WDFY2: variants seen among roughly 807,000 people sequenced by gnomAD.
The protein encoded by WDFY2 is WD repeat and FYVE domain-containing protein 2.
WDFY2 carries 36 observed loss-of-function variants against 56.4 expected under a neutral mutation model. The ratio of observed to expected loss-of-function variants is 0.64; its 90% CI spans 0.49 to 0.84. The LOEUF (loss-of-function observed/expected upper bound fraction) is 0.84, where lower values mean the gene tolerates loss of function less well. WDFY2 is among the 40% of genes least tolerant of loss of function. The probability of loss-of-function intolerance (pLI) is 0.00; values close to 1 mark genes in which losing one functional copy is unlikely to be tolerated. For synonymous variants in WDFY2, 176 were observed against 183.7 expected, an observed-to-expected ratio of 0.96 and a Z score of 0.34; for missense variants, 444 against 512.2, an observed-to-expected ratio of 0.87 and a Z score of 1.29.
intron 1 of WDFY2, among the ~76,000 whole-genome samples, chr13:51,658,558 G>C (rs1382666812): frequency 6.6e-6 from 1 of 152,212 alleles, no homozygotes; most frequent in Non-Finnish European, 1.5e-5. Flanking sequence ...TGATTTAGTG[G>C]AGGGACTGAT....
At chr13:51,620,878 C>T (rs956454804) in intron 1 of WDFY2, among the ~76,000 whole-genome samples, 4 of 152,148 alleles carry the variant, frequency 2.6e-5, no homozygotes, top group African/African-American at 9.7e-5. Context: ...TCATCTCATC[C>T]ACTTCCTCTC....
intron 2 of WDFY2, among the ~76,000 whole-genome samples, chr13:51,669,256 T>C (rs549600281): frequency 6.6e-6 from 1 of 152,330 alleles, no homozygotes; most frequent in South Asian, 2.1e-4. Flanking sequence ...AATTTTAAGC[T>C]GAATGTTTGT....
intron 8 of WDFY2, among the ~76,000 whole-genome samples, chr13:51,753,278 C>T (rs1953278855): frequency 6.6e-6 from 1 of 152,132 alleles, no homozygotes; most frequent in African/African-American, 2.4e-5. Context: ...GAGAAGCAGT[C>T]AGAGATGAGA....
chr13:51,696,458 T>C (rs1951878486), intron 3 of WDFY2, among the ~76,000 whole-genome samples: 1 of 152,224 alleles, frequency 6.6e-6, no homozygotes, highest in Non-Finnish European at 1.5e-5. Context: ...ATAAGTTGTA[T>C]CTACTATAAT....
chr13:51,729,003 T>C (rs9563069), intron 6 of WDFY2, among the ~76,000 whole-genome samples: 45,536 of 152,026 alleles, frequency 0.3, 7,939 homozygotes, highest in African/African-American at 0.44. Context: ...TGGCGCATTC[T>C]AGCCCGCGGT....
chr13:51,585,873 G>C (rs768935884), intron 1 of WDFY2, among the ~76,000 whole-genome samples: 7 of 152,258 alleles, frequency 4.6e-5, no homozygotes, highest in Non-Finnish European at 7.4e-5. Context: ...AGTCATTTCC[G>C]CACTTAGCAT....
At chr13:51,715,177 C>T (rs1952315724) in intron 4 of WDFY2, among the ~76,000 whole-genome samples, 1 of 152,246 alleles carries the variant, frequency 6.6e-6, no homozygotes, top group East Asian at 1.9e-4. Context: ...AAACACTGTA[C>T]ACTTAGGCTA....
In WDFY2 at chr13:51,727,778, A is replaced by G; in HGVS notation, c.586A>G (p.Arg196Gly). 6.2e-7 allele frequency: 1 copy of G among 1,614,180 alleles called. No homozygotes were observed. Among genetic ancestry groups the G allele is most frequent in the Non-Finnish European group, 8.5e-7 (1 of 1,180,014 alleles). The change falls in exon 6 of 12, where the codon AGA (arginine) becomes GGA (glycine). Residue 196 changes from arginine (R) to glycine (G), a missense_variant. By Grantham distance (125) the Arg-to-Gly change is moderately radical (BLOSUM62 -2). Transcript: ENST00000298125. ...AAACTGCACCCTGGTCACAACATTC[A>G]GAGGACACACAGGTAGGATTAACAG... Reference protein sequence around the residue: ...QENCTLVTTFRGHTGGVTALC... With the variant: ...QENCTLVTTFGGHTGGVTALC...
chr13:51,667,577 G>A (rs552484753), intron 2 of WDFY2, among the ~76,000 whole-genome samples: 14 of 152,220 alleles, frequency 9.2e-5, no homozygotes, highest in Middle Eastern at 3.4e-3. Context: ...GGTGGTGATT[G>A]TTTTCCTGAC....
At chr13:51,635,642 C>T (rs1348210782) in intron 1 of WDFY2, among the ~76,000 whole-genome samples, 1 of 152,188 alleles carries the variant, frequency 6.6e-6, no homozygotes, top group African/African-American at 2.4e-5. Flanking sequence ...GGGAGGAACT[C>T]CTGGTTCTTC....
chr13:51,673,369 A>G (rs1955836594), intron 2 of WDFY2, among the ~76,000 whole-genome samples: 1 of 152,230 alleles, frequency 6.6e-6, no homozygotes, highest in South Asian at 2.1e-4. Flanking sequence ...GTTCCTGGCT[A>G]GTCACTAGCC....
At chr13:51,692,741 A>G (rs568583486) in intron 3 of WDFY2, among the ~76,000 whole-genome samples, 39 of 152,132 alleles carry the variant, frequency 2.6e-4, no homozygotes, top group African/African-American at 4.1e-4. Flanking sequence ...CTCTTTTTCT[A>G]TTGATTGGAA....
At chr13:51,744,095 C>G (rs1344005692) in intron 7 of WDFY2, among the ~76,000 whole-genome samples, 1 of 152,188 alleles carries the variant, frequency 6.6e-6, no homozygotes, top group East Asian at 1.9e-4. Context: ...CTTGGGATGA[C>G]CCTACATATT....
chr13:51,637,791 T>G (rs756550724), intron 1 of WDFY2, among the ~76,000 whole-genome samples: 1 of 152,192 alleles, frequency 6.6e-6, no homozygotes, highest in Non-Finnish European at 1.5e-5. Context: ...TACAAGGGTT[T>G]GTGATAAAGG....
intron 1 of WDFY2, among the ~76,000 whole-genome samples, chr13:51,624,685 A>G (rs1250191113): frequency 1.3e-5 from 2 of 152,222 alleles, no homozygotes; most frequent in Non-Finnish European, 2.9e-5. Context: ...GAATGTAGGT[A>G]TGAGTTGGGG....
chr13:51,634,537 C>T (rs1300508422), intron 1 of WDFY2, among the ~76,000 whole-genome samples: 2 of 152,194 alleles, frequency 1.3e-5, no homozygotes, highest in East Asian at 3.9e-4. Context: ...CAGCCAGGTG[C>T]AATGGCTCAC....
intron 1 of WDFY2, among the ~76,000 whole-genome samples, chr13:51,623,837 A>G (rs868754371): frequency 2.0e-5 from 3 of 147,552 alleles, no homozygotes; most frequent in Admixed American, 6.8e-5. Context: ...CAGTTTTTAC[A>G]GAGTTTTTTT....
At chr13:51,650,862 G>A (rs1207790284) in intron 1 of WDFY2, among the ~76,000 whole-genome samples, 1 of 152,126 alleles carries the variant, frequency 6.6e-6, no homozygotes, top group African/African-American at 2.4e-5. Flanking sequence ...CAGGGATATT[G>A]GTCTAAAATT....
intron 1 of WDFY2, chr13:51,587,550 G>C (rs755312652): frequency 6.6e-6 from 1 of 152,170 alleles, no homozygotes; most frequent in African/African-American, 2.4e-5. Context: ...ACTGGACTAG[G>C]TGGACTTTAA....
Sources: allele counts gnomAD v4.1 joint callset (sites outside exome capture counted in the v4.1 genomes callset), GRCh38; gene constraint gnomAD v4.1.1; transcripts MANE v1.5; gene names NCBI Gene and HGNC (gene_info 2026-07-23, HGNC 2026-07-21).